ARL14EPL: variants seen among roughly 807,000 people sequenced by gnomAD.
ARL14EPL encodes ARF like GTPase 14 effector protein like, also known as ARL14 effector protein-like.
A neutral mutation model predicts 15.9 loss-of-function variants in ARL14EPL; 17 were observed. The observed-to-expected ratio is 1.07, with a 90% CI of 0.73 to 1.60. The LOEUF is 1.60. ARL14EPL is among the 40% of genes most tolerant of loss of function. ARL14EPL has a pLI of 0.00. For missense variants in ARL14EPL, 214 were observed against 185.9 expected (o/e 1.15, Z -0.88); for synonymous variants, 78 against 63.8 (o/e 1.22, Z -1.06).
chr5:116,042,651 A>C (rs7726642), intron 1 of ARL14EPL, among the ~76,000 whole-genome samples: 1 of 152,216 alleles, frequency 6.6e-6, no homozygotes, highest in African/African-American at 2.4e-5. Context: ...GAGCTTGTTC[A>C]GTAAGTGCTA....
intron 3 of ARL14EPL, among the ~76,000 whole-genome samples, chr5:116,057,481 T>C (rs966878437): frequency 2.6e-5 from 4 of 151,788 alleles, no homozygotes; most frequent in Non-Finnish European, 4.4e-5. Context: ...AGGAGAATAT[T>C]TGAGTTAAGG....
At position 116,056,403 on chromosome 5, in the gene ARL14EPL, A is replaced by G. The variant is rs545561811; in HGVS notation, c.236+2250A>G. ...TTGCATTTCTCTGATGGCCAGTGAT[A>G]ATGAGCATTTTTCATGTGTCTATTG... On this transcript the variant is annotated intron_variant, in intron 3 of 3. Transcript: ENST00000686077. Among the ~76,000 whole-genome samples, 333 of 152,278 alleles carry G rather than the reference A, an allele frequency of 2.2e-3. 1 individual carries two copies. The highest frequency in any genetic ancestry group is 3.6e-3 in the Non-Finnish European group (247 of 68,022).
At chr5:116,048,792 A>G (rs545713555) in intron 1 of ARL14EPL, among the ~76,000 whole-genome samples, 7 of 152,262 alleles carry the variant, frequency 4.6e-5, no homozygotes, top group African/African-American at 1.7e-4. Context: ...ACCTTCACTG[A>G]TATACCAGAG....
At chr5:116,038,628 T>C (rs1446352046) in intron 1 of ARL14EPL, among the ~76,000 whole-genome samples, 1 of 141,626 alleles carries the variant, frequency 7.1e-6, no homozygotes, top group South Asian at 2.1e-4. Context: ...ATAACTTCAG[T>C]AGCGAAGTGT....
chr5:116,051,619 C>T, intron 2 of ARL14EPL, 58 bp downstream of exon 2: 2 of 1,375,102 alleles, frequency 1.5e-6, no homozygotes, highest in Non-Finnish European at 2.0e-6. Context: ...TCGAGGATCT[C>T]TGAGATGCCC....
At chr5:116,036,944 G>A (rs12651856) in intron 1 of ARL14EPL, among the ~76,000 whole-genome samples, 7,234 of 146,180 alleles carry the variant, frequency 0.049, 352 homozygotes, top group East Asian at 0.16. Context: ...TTTTTTTTTT[G>A]CTTTTTATAT....
At chr5:116,032,874 C>T (rs777049947) in intron 1 of ARL14EPL, among the ~76,000 whole-genome samples, 17 of 152,224 alleles carry the variant, frequency 1.1e-4, no homozygotes, top group East Asian at 5.8e-4. Context: ...CTCCGCTCGC[C>T]GCAGCCTCGA....
At chr5:116,053,290 T>C (rs1030710869) in intron 2 of ARL14EPL, among the ~76,000 whole-genome samples, 6 of 148,668 alleles carry the variant, frequency 4.0e-5, no homozygotes. Context: ...GGATTGAGGC[T>C]GCAGTAAGCC....
intron 1 of ARL14EPL, among the ~76,000 whole-genome samples, chr5:116,049,344 G>A (rs755889696): frequency 1.3e-5 from 2 of 152,114 alleles, no homozygotes; most frequent in Non-Finnish European, 2.9e-5. Context: ...TTTTGAAACA[G>A]CTCCATATGA....
chr5:116,044,378 C>T (rs76637014), intron 1 of ARL14EPL, among the ~76,000 whole-genome samples: 15,453 of 152,068 alleles, frequency 0.1, 1,904 homozygotes, highest in African/African-American at 0.29. Flanking sequence ...GATTAGTATA[C>T]GTCTTAGACA....
chr5:116,047,106 C>T (rs1749283126), intron 1 of ARL14EPL, among the ~76,000 whole-genome samples: 1 of 152,190 alleles, frequency 6.6e-6, no homozygotes, highest in South Asian at 2.1e-4. Flanking sequence ...AAATAAATGT[C>T]TGTTGTTTAA....
rs115755333 is a variant in ARL14EPL at position 116,041,978 on chromosome 5, G to A, written c.-10+9473G>A. Among the ~76,000 whole-genome samples, 1,343 of 152,208 alleles carry A rather than the reference G, an allele frequency of 8.8e-3. 20 individuals are homozygous for A. The highest frequency in any genetic ancestry group is 0.028 in the African/African-American group (1,154 of 41,516). ...TGAGTAGCTGGGATTACAGGCATGA[G>A]CCACTATGCTCGGCTAATTTTTTTA... On this transcript the variant is annotated intron_variant, in intron 1 of 3. Transcript: ENST00000686077.
chr5:116,053,605 G>GC (rs1465354408), intron 2 of ARL14EPL, among the ~76,000 whole-genome samples: 1 of 152,102 alleles, frequency 6.6e-6, no homozygotes, highest in Non-Finnish European at 1.5e-5. Context: ...GGTTCTCACT[G>GC]TGGTTTGAGA....
At chr5:116,038,363 A>G (rs768414735) in intron 1 of ARL14EPL, among the ~76,000 whole-genome samples, 4 of 152,192 alleles carry the variant, frequency 2.6e-5, no homozygotes, top group Non-Finnish European at 5.9e-5. Flanking sequence ...TAACTGGGCA[A>G]TGGGGATGAT....
At chr5:116,034,426 A>G (rs1419524209) in intron 1 of ARL14EPL, among the ~76,000 whole-genome samples, 1 of 152,202 alleles carries the variant, frequency 6.6e-6, no homozygotes, top group Non-Finnish European at 1.5e-5. Context: ...AGTATTTATG[A>G]ACTCCTGTGA....
intron 1 of ARL14EPL, among the ~76,000 whole-genome samples, chr5:116,034,701 T>C (rs1159786744): frequency 2.6e-5 from 4 of 152,134 alleles, no homozygotes; most frequent in Admixed American, 1.3e-4. Context: ...ATTTGAGCTA[T>C]GTGCTATATA....
intron 1 of ARL14EPL, among the ~76,000 whole-genome samples, chr5:116,044,162 T>G (rs1245762139): frequency 2.6e-5 from 4 of 152,204 alleles, no homozygotes; most frequent in African/African-American, 9.6e-5. Context: ...CCAGATGGGT[T>G]GCAAGCTCTT....
intron 1 of ARL14EPL, among the ~76,000 whole-genome samples, chr5:116,038,555 C>G (rs996229318): frequency 6.6e-6 from 1 of 152,022 alleles, no homozygotes; most frequent in African/African-American, 2.4e-5. Context: ...CTGAGGACCA[C>G]AAAGGACCAC....
intron 1 of ARL14EPL, among the ~76,000 whole-genome samples, chr5:116,040,979 C>CAAAAAAAAAAAAAAAAAAAAAAAAAA (rs56060606): frequency 3.0e-5 from 2 of 66,176 alleles, no homozygotes; most frequent in African/African-American, 1.3e-4. Flanking sequence ...GATTCCCTCT[C>CAAAAAAAAAAAAAAAAAAAAAAAAAA]AAAAAAAAAA....
Sources: gnomAD v4.1 joint callset for allele counts (sites outside exome capture counted in the v4.1 genomes callset) on GRCh38, gnomAD v4.1.1 for gene constraint, MANE v1.5 for transcripts, NCBI Gene and HGNC (gene_info 2026-07-23, HGNC 2026-07-21) for gene names.